The following TTC7B variants were observed in gnomAD, a reference collection of about 807,000 sequenced individuals.
TTC7B encodes tetratricopeptide repeat domain 7B, also known as tetratricopeptide repeat protein 7B.
A neutral mutation model predicts 106.8 loss-of-function variants in TTC7B; 28 were observed. That is an observed-to-expected ratio of 0.26 (90% CI 0.19 to 0.36). The LOEUF (loss-of-function observed/expected upper bound fraction) is 0.36, where lower values mean the gene tolerates loss of function less well. Ranked by LOEUF, TTC7B falls within the 10% of genes least tolerant of loss-of-function variation. TTC7B has a pLI of 1.00. For synonymous variants in TTC7B, 405 were observed against 430.6 expected (o/e 0.94, Z 0.74); for missense variants, 862 against 1,076.4 (o/e 0.80, Z 2.79).
At chr14:90,690,360 G>A (rs1273531845) in intron 6 of TTC7B, among the ~76,000 whole-genome samples, 5 of 152,216 alleles carry the variant, frequency 3.3e-5, no homozygotes, top group Non-Finnish European at 1.5e-5. Flanking sequence ...TTTAAAGCTG[G>A]ATGGGTATCC....
chr14:90,742,311 T>C lies in TTC7B; in HGVS notation c.576+2481A>G, dbSNP rs1566865972. Among the ~76,000 whole-genome samples, 1 of 151,644 alleles carries C rather than the reference T, an allele frequency of 6.6e-6. No individual in the cohort carries two copies. Among genetic ancestry groups the C allele is most frequent in the Non-Finnish European group, 1.5e-5 (1 of 67,916 alleles). ...TCCCTCCCTTCCTCCCTCCCTCCTTTCTCTTTCTCTTTCTCTCTCTCTCTC... is the reference window on the plus strand; with the variant it reads ...TCCCTCCCTTCCTCCCTCCCTCCTTCCTCTTTCTCTTTCTCTCTCTCTCTC... On this transcript the variant is annotated intron_variant, in intron 4 of 19. Coordinates refer to ENST00000328459, the MANE Select transcript of TTC7B (RefSeq NM_001010854.2). This position sits in a 1 kb window ranked among gnomAD's most constrained non-coding sequence, Gnocchi z 4.1.
intron 3 of TTC7B, 79 bp from the exon 4 acceptor site, chr14:90,745,001 CAGA>C: frequency 7.3e-7 from 1 of 1,368,142 alleles, no homozygotes; most frequent in South Asian, 1.2e-5. Flanking sequence ...TCTAGAGGGC[CAGA>C]AGATGGCTGT....
At chr14:90,747,774 T>C (rs1890014648) in intron 3 of TTC7B, among the ~76,000 whole-genome samples, 2 of 152,254 alleles carry the variant, frequency 1.3e-5, no homozygotes, top group African/African-American at 4.8e-5. Flanking sequence ...CTTGAAGTGC[T>C]ATCAGTTTTT....
At chr14:90,766,253 A>T (rs997211708) in intron 3 of TTC7B, among the ~76,000 whole-genome samples, 6 of 132,346 alleles carry the variant, frequency 4.5e-5, no homozygotes, top group Admixed American at 3.4e-4. Flanking sequence ...TCAAAAAAAA[A>T]TCAGAAGGCA....
chr14:90,789,909 A>AT (rs71117373), intron 1 of TTC7B, among the ~76,000 whole-genome samples: 35,620 of 150,470 alleles, frequency 0.24, 5,540 homozygotes, highest in Non-Finnish European at 0.32. Flanking sequence ...AAAAAAAAAA[A>AT]AAAATACTAT....
At chr14:90,763,013 G>A (rs2140018644) in intron 3 of TTC7B, among the ~76,000 whole-genome samples, 1 of 152,232 alleles carries the variant, frequency 6.6e-6, no homozygotes, top group African/African-American at 2.4e-5. Flanking sequence ...CCTCCAAAAA[G>A]CAGAAAAGGA....
At chr14:90,573,534 AGCTCACGGTCCCTCTCCG>A (rs1459854679) in intron 19 of TTC7B, among the ~76,000 whole-genome samples, 6,720 of 80,844 alleles carry the variant, frequency 0.083, 307 homozygotes, top group East Asian at 0.2. Flanking sequence ...GGTCTCTCTC[AGCTCACGGTCCCTCTCCG>A]GCTCACGGTC....
chr14:90,607,248 T>C (rs1006535364), intron 17 of TTC7B, among the ~76,000 whole-genome samples: 3 of 152,242 alleles, frequency 2.0e-5, no homozygotes, highest in Non-Finnish European at 4.4e-5. Flanking sequence ...CAAAGGAATC[T>C]GCCTGCACAG....
intron 3 of TTC7B, among the ~76,000 whole-genome samples, chr14:90,772,287 A>G (rs773193027): frequency 4.7e-4 from 71 of 152,108 alleles, no homozygotes; most frequent in Non-Finnish European, 8.2e-4. Flanking sequence ...CTGACAGGGT[A>G]CTCATCACAG....
chr14:90,631,392 C>T (rs1330505315), intron 15 of TTC7B, among the ~76,000 whole-genome samples: 1 of 151,234 alleles, frequency 6.6e-6, no homozygotes, highest in Non-Finnish European at 1.5e-5. Context: ...TACTGTTTTC[C>T]ATAGCGTCTG....
chr14:90,680,915 A>G (rs984273091), intron 7 of TTC7B, among the ~76,000 whole-genome samples: 1 of 152,232 alleles, frequency 6.6e-6, no homozygotes, highest in Admixed American at 6.5e-5. Flanking sequence ...TACTCTTCTT[A>G]CCTCTTACCT....
rs193157725 is a variant in TTC7B at position 90,673,169 on chromosome 14, T to C, written c.1152+3354A>G. 2.2e-4 allele frequency among the ~76,000 whole-genome samples: 33 copies of C among 152,266 alleles called. No homozygotes were observed. The East Asian group carries it at 6.0e-3, about 28-fold the overall frequency. On this transcript the variant is annotated intron_variant, in intron 9 of 19. Coordinates refer to ENST00000328459, the MANE Select transcript of TTC7B (RefSeq NM_001010854.2). ...GAAGAGAGATAGGGAATATCCACAA[T>C]AAAATGTGCAAGATACTGTCCCATT...
At chr14:90,639,802 C>T (rs1885093807) in intron 15 of TTC7B, among the ~76,000 whole-genome samples, 1 of 152,152 alleles carries the variant, frequency 6.6e-6, no homozygotes, top group South Asian at 2.1e-4. Flanking sequence ...GTAAGGAAAT[C>T]TTAGTGCATT....
chr14:90,723,385 AG>A (rs553110094), intron 5 of TTC7B, among the ~76,000 whole-genome samples: 30 of 152,096 alleles, frequency 2.0e-4, no homozygotes, highest in Non-Finnish European at 3.8e-4. Flanking sequence ...CTGGTGACTC[AG>A]GGACTTTTCT....
intron 4 of TTC7B, among the ~76,000 whole-genome samples, chr14:90,743,870 C>A (rs1184884516): frequency 6.6e-6 from 1 of 152,244 alleles, no homozygotes; most frequent in African/African-American, 2.4e-5. Context: ...CCTCCACCTC[C>A]CTGGCCCCAT....
At chr14:90,702,583 C>T (rs1282984336) in intron 5 of TTC7B, among the ~76,000 whole-genome samples, 6 of 151,854 alleles carry the variant, frequency 4.0e-5, no homozygotes, top group Admixed American at 1.3e-4. Flanking sequence ...CAATTTATAG[C>T]ATATGAAAAT....
chr14:90,665,154 C>A (rs1886361393), intron 9 of TTC7B, among the ~76,000 whole-genome samples: 1 of 152,202 alleles, frequency 6.6e-6, no homozygotes. Context: ...ATCTCCAAAT[C>A]ACCTCCCTCA....
At chr14:90,594,854 G>A (rs987627742) in intron 17 of TTC7B, among the ~76,000 whole-genome samples, 4 of 152,152 alleles carry the variant, frequency 2.6e-5, no homozygotes, top group Non-Finnish European at 5.9e-5. Context: ...TCCATATTAT[G>A]TTTTGATTGC....
chr14:90,560,095 A>G (rs1890507502), intron 19 of TTC7B, among the ~76,000 whole-genome samples: 1 of 152,184 alleles, frequency 6.6e-6, no homozygotes, highest in Non-Finnish European at 1.5e-5. Context: ...TTCTCTGCCA[A>G]TGTCCGGTGC....
Sources: gnomAD v4.1 joint callset for allele counts (sites outside exome capture counted in the v4.1 genomes callset) on GRCh38, gnomAD v4.1.1 for gene constraint, Gnocchi (gnomAD v3.1) non-coding constraint, MANE v1.5 for transcripts, NCBI Gene and HGNC (gene_info 2026-07-23, HGNC 2026-07-21) for gene names.